ADCY2: variants seen among roughly 807,000 people sequenced by gnomAD.
ADCY2 encodes the protein adenylate cyclase 2.
Under a neutral mutation model 125.2 loss-of-function variants are expected in ADCY2, and 31 were observed. The ratio of observed to expected loss-of-function variants is 0.25; its 90% confidence interval spans 0.19 to 0.33. ADCY2 has a LOEUF of 0.33. Among genes scored for constraint, ADCY2 ranks in the 10% least tolerant of loss-of-function variants. The pLI, the probability that ADCY2 is intolerant of heterozygous loss-of-function variation, is 1.00. For missense variants in ADCY2, 904 were observed against 1,418.2 expected (o/e 0.64, Z 5.82); for synonymous variants, 512 against 548.4 (o/e 0.93, Z 0.93).
chr5:7,602,403 G>T (rs936064855), intron 3 of ADCY2, among the ~76,000 whole-genome samples: 10 of 152,092 alleles, frequency 6.6e-5, no homozygotes, highest in African/African-American at 2.4e-4. Flanking sequence ...GTTCCACCAG[G>T]TACACTCCAG....
chr5:7,763,803 G>T (rs1241547712), intron 16 of ADCY2, among the ~76,000 whole-genome samples: 2 of 152,214 alleles, frequency 1.3e-5, no homozygotes, highest in Admixed American at 6.5e-5. Flanking sequence ...CCAGTGGCAA[G>T]CAGCCCTTAT....
At chr5:7,511,246 A>C (rs1405241747) in intron 2 of ADCY2, among the ~76,000 whole-genome samples, 1 of 152,216 alleles carries the variant, frequency 6.6e-6, no homozygotes, top group Non-Finnish European at 1.5e-5. Context: ...AAAATTAAAA[A>C]TGTAAAAATA....
intron 18 of ADCY2, among the ~76,000 whole-genome samples, chr5:7,777,840 T>C (rs1743790613): frequency 6.6e-6 from 1 of 152,184 alleles, no homozygotes; most frequent in Non-Finnish European, 1.5e-5. Flanking sequence ...GTATGAAAAG[T>C]AGACTTTTCA....
chr5:7,653,852 C>T (rs1739188336), intron 4 of ADCY2, among the ~76,000 whole-genome samples: 1 of 152,086 alleles, frequency 6.6e-6, no homozygotes, highest in African/African-American at 2.4e-5. Context: ...TTCCCTATCA[C>T]AAAATATCAT....
At chr5:7,773,439 T>C (rs1743619869) in intron 18 of ADCY2, among the ~76,000 whole-genome samples, 1 of 152,148 alleles carries the variant, frequency 6.6e-6, no homozygotes, top group South Asian at 2.1e-4. Flanking sequence ...CGCCGTCCTG[T>C]GCGTGGTAGG....
At chr5:7,411,902 C>A (rs935573613) in intron 1 of ADCY2, among the ~76,000 whole-genome samples, 2 of 151,970 alleles carry the variant, frequency 1.3e-5, no homozygotes, top group African/African-American at 2.4e-5. Flanking sequence ...GGTGAAACCC[C>A]GTCTCTACTA....
chr5:7,821,264 T>A (rs1745289829), intron 24 of ADCY2, among the ~76,000 whole-genome samples: 1 of 152,198 alleles, frequency 6.6e-6, no homozygotes, highest in African/African-American at 2.4e-5. Context: ...GCTCATTAAA[T>A]CAATTATAAT....
intron 24 of ADCY2, among the ~76,000 whole-genome samples, chr5:7,821,520 G>T (rs1579479330): frequency 6.6e-6 from 1 of 152,138 alleles, no homozygotes; most frequent in African/African-American, 2.4e-5. Flanking sequence ...CAATAATTCC[G>T]CACCCACGTC....
chr5:7,809,813 T>C (rs925282516), intron 22 of ADCY2, among the ~76,000 whole-genome samples: 5 of 152,222 alleles, frequency 3.3e-5, no homozygotes, highest in African/African-American at 1.2e-4. Context: ...AATGATCCAT[T>C]CTAATTTTAA....
intron 15 of ADCY2, among the ~76,000 whole-genome samples, chr5:7,753,542 G>C (rs147455844): frequency 6.6e-6 from 1 of 152,276 alleles, no homozygotes; most frequent in Non-Finnish European, 1.5e-5. Context: ...CATTTAATTA[G>C]GATGGTCGGA....
Position 7,402,672 on chromosome 5 carries a change from G to C in ADCY2, c.210+6166G>C, listed in dbSNP as rs145777659. 2.7e-3 allele frequency among the ~76,000 whole-genome samples: 409 copies of C among 152,322 alleles called. 2 individuals carry two copies. Among genetic ancestry groups the C allele is most frequent in the African/African-American group, 9.1e-3 (379 of 41,578 alleles). On this transcript the variant is annotated intron_variant, in intron 1 of 24. Coordinates refer to ENST00000338316, the MANE Select transcript of ADCY2 (RefSeq NM_020546.3). ...GATGTGTAAGGCAGATTGTATCTCA[G>C]AGTTGAACCAAGTCACTTCTGAAAA...
Position 7,417,215 on chromosome 5 carries a change from C to T in ADCY2, c.408+2445C>T, listed in dbSNP as rs577257300. ...TCTTCATAAAATCAATAATAATTTTCGTTAGACTCAATCTTAGGTACCTAA... is the reference window on the plus strand; with the variant it reads ...TCTTCATAAAATCAATAATAATTTTTGTTAGACTCAATCTTAGGTACCTAA... On this transcript the variant is annotated intron_variant, in intron 2 of 24. Coordinates refer to ENST00000338316, the MANE Select transcript of ADCY2 (RefSeq NM_020546.3). 1.1e-4 allele frequency among the ~76,000 whole-genome samples: 16 copies of T among 151,868 alleles called. No homozygotes were observed. In the South Asian group the frequency reaches 3.1e-3, roughly 30 times the overall value.
intron 11 of ADCY2, 56 bp downstream of exon 11, chr5:7,712,955 A>G: frequency 7.8e-7 from 1 of 1,286,976 alleles, no homozygotes; most frequent in Non-Finnish European, 1.1e-6. Context: ...TTCATTTCTG[A>G]GAGTAATTAT....
In ADCY2 at chr5:7,591,109, A is replaced by G. The variant is rs554682563; in HGVS notation, c.571-35058A>G. ...TGATTACTGGTGACGTTATTTAATT[A>G]GAATAGTTTATGGAATTATACATAA... On this transcript the variant is annotated intron_variant, in intron 3 of 24. Coordinates refer to ENST00000338316, the MANE Select transcript of ADCY2 (RefSeq NM_020546.3). Among the ~76,000 whole-genome samples the G allele has an allele frequency of 2.4e-4, 36 of 152,324 alleles. 1 individual carries two copies. Among genetic ancestry groups the G allele is most frequent in the Admixed American group, 7.2e-4 (11 of 15,296 alleles).
chr5:7,515,481 T>C (rs1376049038), intron 2 of ADCY2, among the ~76,000 whole-genome samples: 1 of 152,230 alleles, frequency 6.6e-6, no homozygotes, highest in Non-Finnish European at 1.5e-5. Context: ...CTGCTCCTGA[T>C]TCAACCCAGT....
At chr5:7,792,389 C>T (rs773581436) in intron 20 of ADCY2, among the ~76,000 whole-genome samples, 13 of 152,050 alleles carry the variant, frequency 8.5e-5, no homozygotes, top group Non-Finnish European at 1.6e-4. Context: ...AGCGAAACTC[C>T]ATCTCTAAAT....
chr5:7,472,003 T>C (rs1260676963), intron 2 of ADCY2, among the ~76,000 whole-genome samples: 1 of 152,142 alleles, frequency 6.6e-6, no homozygotes, highest in Non-Finnish European at 1.5e-5. Context: ...TGGCTTGAAA[T>C]TGATGTGTTT....
In ADCY2 at chr5:7,581,648, T is replaced by C. The variant is rs544739823; in HGVS notation, c.571-44519T>C. Among the ~76,000 whole-genome samples, 5 of 140,588 alleles carry C rather than the reference T, an allele frequency of 3.6e-5. No homozygotes were observed. In the South Asian group the frequency reaches 9.2e-4, roughly 26 times the overall value. The allele number at this position is 140,588 out of a possible 152,430, so 92.2% of individuals were successfully genotyped here. A position where few individuals can be genotyped will look rare whatever the true frequency, so the allele number is the denominator to read the frequency against. On this transcript the variant is annotated intron_variant, in intron 3 of 24. Coordinates refer to ENST00000338316, the MANE Select transcript of ADCY2 (RefSeq NM_020546.3). Reference sequence around the variant, plus strand: ...TCCTGGCCAACCTGGTGAATCCCCATCTCTACTAAAAATACAAAAAAAAAT... The same window carrying C: ...TCCTGGCCAACCTGGTGAATCCCCACCTCTACTAAAAATACAAAAAAAAAT...
Position 7,576,449 on chromosome 5 carries a change from A to G in ADCY2, c.571-49718A>G, listed in dbSNP as rs532954171. On this transcript the variant is annotated intron_variant, in intron 3 of 24. Coordinates refer to ENST00000338316, the MANE Select transcript of ADCY2 (RefSeq NM_020546.3). ...CATTTGGAATGGACAGGACAGTGAC[A>G]TGCTAGATGTTTTAGGTGAAACAGG... Among the ~76,000 whole-genome samples, 6 of 152,336 alleles carry G rather than the reference A, an allele frequency of 3.9e-5. No individual in the cohort carries two copies. The Middle Eastern group carries it at 0.014, about 345-fold the overall frequency.
Sources: gnomAD v4.1 joint callset for allele counts (sites outside exome capture counted in the v4.1 genomes callset) on GRCh38, gnomAD v4.1.1 for gene constraint, MANE v1.5 for transcripts, NCBI Gene and HGNC (gene_info 2026-07-23, HGNC 2026-07-21) for gene names.